Variants in SLC14A2 observed in about 807,000 individuals in gnomAD.
SLC14A2 encodes the protein solute carrier family 14 member 2, also known as urea transporter 2.
A neutral mutation model predicts 104.6 loss-of-function variants in SLC14A2; 91 were observed. The ratio of observed to expected loss-of-function variants is 0.87; its 90% CI spans 0.73 to 1.04. The LOEUF is 1.04. Among genes scored for constraint, SLC14A2 ranks in the 50% least tolerant of loss-of-function variants. The probability of loss-of-function intolerance (pLI) is 0.00; values close to 1 mark genes in which losing one functional copy is unlikely to be tolerated. For missense variants in SLC14A2, 1,189 were observed against 1,156.0 expected, an observed-to-expected ratio of 1.03 and a Z score of -0.41; for synonymous variants, 476 against 466.4, an observed-to-expected ratio of 1.02 and a Z score of -0.27.
At chr18:45,326,714 G>T (rs1341206692) in intron 1 of SLC14A2, among the ~76,000 whole-genome samples, 1 of 152,212 alleles carries the variant, frequency 6.6e-6, no homozygotes, top group South Asian at 2.1e-4. Flanking sequence ...AGGCACAGAG[G>T]CTGGCCTTTC....
chr18:45,480,687 T>A (rs1037725253), intron 1 of SLC14A2, among the ~76,000 whole-genome samples: 1 of 152,326 alleles, frequency 6.6e-6, no homozygotes, highest in Non-Finnish European at 1.5e-5. Context: ...CACTGCCACC[T>A]TCCCCCTCCC....
rs145817848 is a variant in SLC14A2 at position 45,414,594 on chromosome 18, C to G, written c.-124-68639C>G. ...AACATTCTGCACATGTAATCCAGAA[C>G]TTAAAAAAAAAAAGAATATTTGGGC... On this transcript the variant is annotated intron_variant, in intron 1 of 20. Transcript: ENST00000586448. Among the ~76,000 whole-genome samples the G allele has an allele frequency of 2.9e-3, 423 of 147,742 alleles. 2 individuals are homozygous for G. Among genetic ancestry groups the G allele is most frequent in the African/African-American group, 0.01 (405 of 39,774 alleles).
chr18:45,331,050 T>A (rs2085284709), intron 1 of SLC14A2, among the ~76,000 whole-genome samples: 1 of 152,228 alleles, frequency 6.6e-6, no homozygotes, highest in Admixed American at 6.5e-5. Context: ...AAATTGTTGA[T>A]ATTTTTGTGC....
chr18:45,557,126 T>C (rs2044143411), intron 2 of SLC14A2, among the ~76,000 whole-genome samples: 3 of 152,252 alleles, frequency 2.0e-5, no homozygotes, highest in Admixed American at 2.0e-4. Flanking sequence ...TGGAAGCCAA[T>C]ATCCTTTGCA....
chr18:45,521,983 AT>A (rs1234594894), intron 2 of SLC14A2, among the ~76,000 whole-genome samples: 1 of 152,154 alleles, frequency 6.6e-6, no homozygotes, highest in African/African-American at 2.4e-5. Flanking sequence ...GCAGCTTGCC[AT>A]GGAGGAAAGC....
intron 1 of SLC14A2, among the ~76,000 whole-genome samples, chr18:45,418,802 C>G (rs1490907347): frequency 1.3e-5 from 2 of 152,128 alleles, no homozygotes; most frequent in Admixed American, 6.6e-5. Flanking sequence ...GGATTTACCT[C>G]TAATCCCTGT....
At chr18:45,399,046 T>A (rs1171404406) in intron 1 of SLC14A2, among the ~76,000 whole-genome samples, 1 of 152,228 alleles carries the variant, frequency 6.6e-6, no homozygotes, top group Non-Finnish European at 1.5e-5. Flanking sequence ...ACTTATTGGA[T>A]GCTAAGTTCC....
At chr18:45,218,675 T>C (rs1404632947) in intron 1 of SLC14A2, among the ~76,000 whole-genome samples, 2 of 152,202 alleles carry the variant, frequency 1.3e-5, no homozygotes, top group East Asian at 3.9e-4. Context: ...TTAAATTTTA[T>C]GTCTTTAAGC....
intron 11 of SLC14A2, among the ~76,000 whole-genome samples, chr18:45,665,688 C>CTTTTTTTTTTTTTTTTTTTTTT (rs146248418): frequency 5.0e-5 from 4 of 79,294 alleles, no homozygotes; most frequent in African/African-American, 1.1e-4. Context: ...AACCAAGTTT[C>CTTTTTTTTTTTTTTTTTTTTTT]TTTTTTTTTT....
At chr18:45,312,880 G>A (rs1254901771) in intron 1 of SLC14A2, among the ~76,000 whole-genome samples, 3 of 152,178 alleles carry the variant, frequency 2.0e-5, no homozygotes, top group South Asian at 2.1e-4. Flanking sequence ...ACAGAGGGGC[G>A]GGGTATGTGC....
At chr18:45,514,300 G>C (rs1160739002) in intron 2 of SLC14A2, among the ~76,000 whole-genome samples, 1 of 152,172 alleles carries the variant, frequency 6.6e-6, no homozygotes, top group East Asian at 1.9e-4. Context: ...TGACGGGAGA[G>C]AGATAGCATG....
chr18:45,669,703 G>A (rs2046097545), intron 16 of SLC14A2, among the ~76,000 whole-genome samples: 1 of 152,146 alleles, frequency 6.6e-6, no homozygotes, highest in Non-Finnish European at 1.5e-5. Flanking sequence ...CTCTATGATA[G>A]CACAGAGAAG....
intron 2 of SLC14A2, among the ~76,000 whole-genome samples, chr18:45,590,415 G>A (rs1271947482): frequency 6.6e-6 from 1 of 152,106 alleles, no homozygotes; most frequent in Non-Finnish European, 1.5e-5. Flanking sequence ...TTTCCCACTG[G>A]ACTATAATTC....
At chr18:45,214,679 C>T (rs1299960734) in intron 1 of SLC14A2, among the ~76,000 whole-genome samples, 1 of 152,042 alleles carries the variant, frequency 6.6e-6, no homozygotes, top group African/African-American at 2.4e-5. Context: ...AGACAGCTCT[C>T]TCATATTGAT....
chr18:45,643,004 C>A, intron 8 of SLC14A2, 128 bp from the exon 9 acceptor site: 1 of 771,116 alleles, frequency 1.3e-6, no homozygotes, highest in Admixed American at 2.1e-5. Context: ...GGGCATGGTG[C>A]AGAATCTGAG....
At chr18:45,520,222 A>G (rs768929524) in intron 2 of SLC14A2, among the ~76,000 whole-genome samples, 8 of 152,230 alleles carry the variant, frequency 5.3e-5, no homozygotes, top group Non-Finnish European at 7.3e-5. Context: ...GAGAATCAAG[A>G]TGTGGTTTTT....
At chr18:45,291,781 G>A (rs563929007) in intron 1 of SLC14A2, among the ~76,000 whole-genome samples, 2 of 149,342 alleles carry the variant, frequency 1.3e-5, no homozygotes, top group East Asian at 2.1e-4. Flanking sequence ...TCACGGTGAC[G>A]AATCAATCGA....
chr18:45,626,972 C>T lies in SLC14A2; in HGVS notation c.346C>T (p.Leu116Phe), dbSNP rs892394000. 6.2e-7 allele frequency: 1 copy of T among 1,611,298 alleles called. No individual in the cohort carries two copies. Among genetic ancestry groups the T allele is most frequent in the Non-Finnish European group, 8.5e-7 (1 of 1,179,114 alleles). ...GTCTCTTTCAGACAAGCACCTTGCC[C>T]TCCAGTTCATAGACTGGGTCCTGAG... ...RIWLKDKHLA[L>F]QFIDWVLRGT... The change falls in exon 4 of 20, where the codon CTC (leucine) becomes TTC (phenylalanine). Residue 116 changes from leucine to phenylalanine, a missense_variant. By Grantham distance (22) the Leu-to-Phe change is conservative. Coordinates refer to ENST00000255226, the MANE Select transcript of SLC14A2 (RefSeq NM_007163.4).
At chr18:45,216,714 A>T (rs1254997367) in intron 1 of SLC14A2, among the ~76,000 whole-genome samples, 3 of 120,780 alleles carry the variant, frequency 2.5e-5, no homozygotes, top group Admixed American at 1.6e-4. Context: ...TCTTGGACAT[A>T]GGGGGGCCGA....
Sources: allele counts gnomAD v4.1 joint callset (sites outside exome capture counted in the v4.1 genomes callset), GRCh38; gene constraint gnomAD v4.1.1; transcripts MANE v1.5; gene names NCBI Gene and HGNC (gene_info 2026-07-23, HGNC 2026-07-21).